AMPH: variants seen among roughly 807,000 people sequenced by gnomAD.
AMPH encodes the protein amphiphysin.
AMPH carries 49 observed loss-of-function variants against 99.1 expected under a neutral mutation model. The observed-to-expected ratio is 0.49, with a 90% CI of 0.39 to 0.63. AMPH has a LOEUF of 0.63. AMPH is among the 20% of genes least tolerant of loss of function. The pLI, the probability that AMPH is intolerant of heterozygous loss-of-function variation, is 0.00. For synonymous variants in AMPH, 314 were observed against 317.3 expected (o/e 0.99, Z 0.11); for missense variants, 759 against 863.4 (o/e 0.88, Z 1.52).
chr7:38,479,774 C>T (rs1445970645), intron 5 of AMPH, among the ~76,000 whole-genome samples: 4 of 151,778 alleles, frequency 2.6e-5, no homozygotes, highest in Non-Finnish European at 5.9e-5. Flanking sequence ...TATCTACGTG[C>T]CCCATAAATA....
At chr7:38,393,797 G>A (rs1395002371) in intron 18 of AMPH, among the ~76,000 whole-genome samples, 1 of 152,192 alleles carries the variant, frequency 6.6e-6, no homozygotes, top group Non-Finnish European at 1.5e-5. Context: ...CACAGGCCCT[G>A]AGGGCCTATA....
rs769186615 is a variant in AMPH at position 38,436,310 on chromosome 7, C to A, written c.1096G>T (p.Ala366Ser). ...GAGTGGGTCACTCCAGCAGAACCTG[C>A]AGGTGTCACCTCGGGCTTGAAAGGA... ...FDPFKPEVTP[A>S]GSAGVTHSPM... Residue 366 changes from alanine to serine, a missense_variant, in exon 12 of 21, where the codon GCA becomes TCA. Transcript: ENST00000356264. The A allele has an allele frequency of 1.9e-5, 30 of 1,614,088 alleles. No homozygotes were observed. In the South Asian group the frequency reaches 3.1e-4, roughly 17 times the overall value.
At chr7:38,509,083 C>T (rs1789441189) in intron 2 of AMPH, among the ~76,000 whole-genome samples, 1 of 152,194 alleles carries the variant, frequency 6.6e-6, no homozygotes, top group Non-Finnish European at 1.5e-5. Flanking sequence ...ATTTACATTT[C>T]TGTTTCCTTG....
Position 38,383,801 on chromosome 7 carries a change from T to C in AMPH, c.*1017A>G, listed in dbSNP as rs1269834068. 2 of 152,556 alleles carry C rather than the reference T, an allele frequency of 1.3e-5. No homozygotes were observed. The highest frequency in any genetic ancestry group is 2.9e-5 in the Non-Finnish European group (2 of 68,014). 9.5% of individuals were successfully genotyped at this position (152,556 alleles called of 1,614,324 possible). A position where few individuals can be genotyped will look rare whatever the true frequency, so the allele number is the denominator to read the frequency against. Reference sequence around the variant, plus strand: ...TGATTTGTGGATACAGCATACACCATCTATTTTACTTTAGAACAATCTGTG... The same window carrying C: ...TGATTTGTGGATACAGCATACACCACCTATTTTACTTTAGAACAATCTGTG... On this transcript the variant is annotated 3_prime_UTR_variant, in exon 21 of 21. Coordinates refer to ENST00000356264, the MANE Select transcript of AMPH (RefSeq NM_001635.4).
chr7:38,544,012 C>T (rs909455962), intron 1 of AMPH, among the ~76,000 whole-genome samples: 13 of 152,140 alleles, frequency 8.5e-5, no homozygotes, highest in Admixed American at 8.5e-4. Flanking sequence ...AACCACTATA[C>T]TATAATGCCC....
At chr7:38,607,788 C>A (rs1470353456) in intron 1 of AMPH, among the ~76,000 whole-genome samples, 1 of 152,188 alleles carries the variant, frequency 6.6e-6, no homozygotes, top group African/African-American at 2.4e-5. Flanking sequence ...ACTGAAGGCA[C>A]TGAAAATAGG....
intron 1 of AMPH, among the ~76,000 whole-genome samples, chr7:38,624,379 T>TTAG (rs1554380230): frequency 6.6e-6 from 1 of 151,732 alleles, no homozygotes; most frequent in African/African-American, 2.4e-5. Context: ...CTTATTATTA[T>TTAG]TATTAGTATT....
chr7:38,415,225 C>T (rs574143415), intron 17 of AMPH, among the ~76,000 whole-genome samples: 6 of 152,230 alleles, frequency 3.9e-5, no homozygotes, highest in South Asian at 4.1e-4. Context: ...TGAAATTATA[C>T]GTGCCTCTTT....
At position 38,391,740 on chromosome 7, in the gene AMPH, A is replaced by G; in HGVS notation, c.1878+8T>C. The G allele has an allele frequency of 1.2e-6, 2 of 1,609,858 alleles. No homozygotes were observed. Among genetic ancestry groups the G allele is most frequent in the Admixed American group, 1.7e-5 (1 of 58,974 alleles). ...AAAGGATAAATGAGACTTAAAAAAT[A>G]AGAATACCTTGTAGAGAAAGCCAGG... On this transcript the variant is annotated splice_region_variant and intron_variant, in intron 19 of 20. Transcript: ENST00000356264.
At chr7:38,621,535 C>A (rs146146072) in intron 1 of AMPH, among the ~76,000 whole-genome samples, 3 of 152,044 alleles carry the variant, frequency 2.0e-5, no homozygotes, top group African/African-American at 7.3e-5. Context: ...CTTTTAGGTG[C>A]CTTGATAAAA....
intron 1 of AMPH, among the ~76,000 whole-genome samples, chr7:38,566,564 A>G (rs1242663630): frequency 6.6e-6 from 1 of 152,212 alleles, no homozygotes; most frequent in Non-Finnish European, 1.5e-5. Flanking sequence ...AATTAAACTA[A>G]AGAGCTTCTG....
chr7:38,509,995 C>A (rs1023078631), intron 2 of AMPH, among the ~76,000 whole-genome samples: 2 of 152,110 alleles, frequency 1.3e-5, no homozygotes, highest in African/African-American at 2.4e-5. Context: ...GAAGGAAGGG[C>A]CTTAGCTATC....
intron 1 of AMPH, among the ~76,000 whole-genome samples, chr7:38,587,088 A>G (rs2129056873): frequency 6.6e-6 from 1 of 152,288 alleles, no homozygotes; most frequent in Non-Finnish European, 1.5e-5. Context: ...GAATAAAATG[A>G]CCAGTACCTG....
At chr7:38,477,968 G>A (rs1257375331) in intron 5 of AMPH, among the ~76,000 whole-genome samples, 1 of 152,102 alleles carries the variant, frequency 6.6e-6, no homozygotes, top group African/African-American at 2.4e-5. Context: ...GTAGTGGACT[G>A]CTCCAACTTG....
chr7:38,535,538 G>A (rs1341372646), intron 1 of AMPH, among the ~76,000 whole-genome samples: 3 of 152,114 alleles, frequency 2.0e-5, no homozygotes, highest in Non-Finnish European at 4.4e-5. Context: ...GATGACTGAA[G>A]CACACTACAT....
chr7:38,497,458 A>T lies in AMPH; in HGVS notation c.206-2931T>A, dbSNP rs1457223246. 2.0e-5 allele frequency among the ~76,000 whole-genome samples: 3 copies of T among 152,200 alleles called. No homozygotes were observed. In the East Asian group the frequency reaches 5.8e-4, roughly 29 times the overall value. ...TTTTCAAAATTTTGGACCTTCTCCA[A>T]GACATTTCATATAACATTGTCTATT... On this transcript the variant is annotated intron_variant, in intron 3 of 20. Transcript: ENST00000356264.
At chr7:38,445,523 G>A (rs10238666) in intron 11 of AMPH, among the ~76,000 whole-genome samples, 37,528 of 151,980 alleles carry the variant, frequency 0.25, 5,016 homozygotes, top group African/African-American at 0.33. Context: ...TATCTAATGA[G>A]GGAGTTGTAT....
At chr7:38,439,849 C>A (rs1484851650) in intron 11 of AMPH, among the ~76,000 whole-genome samples, 1 of 152,122 alleles carries the variant, frequency 6.6e-6, no homozygotes, top group Non-Finnish European at 1.5e-5. Context: ...AAGTACCGGA[C>A]CTCTTCCAGT....
intron 11 of AMPH, among the ~76,000 whole-genome samples, chr7:38,449,394 G>C (rs1786919180): frequency 6.6e-6 from 1 of 152,144 alleles, no homozygotes; most frequent in South Asian, 2.1e-4. Context: ...TAGAAAGTAG[G>C]ACTAATGACA....
Sources: gnomAD v4.1 joint callset for allele counts (sites outside exome capture counted in the v4.1 genomes callset) on GRCh38, gnomAD v4.1.1 for gene constraint, MANE v1.5 for transcripts, NCBI Gene and HGNC (gene_info 2026-07-23, HGNC 2026-07-21) for gene names.